Variants in RYR3 observed in about 807,000 individuals in gnomAD.
RYR3 encodes brain ryanodine receptor-calcium release channel.
In RYR3, 207 loss-of-function variants were observed where a neutral mutation model predicts 584.3. That is an observed-to-expected ratio of 0.35 (90% confidence interval 0.32 to 0.40). The LOEUF is 0.40. Ranked by LOEUF, RYR3 falls within the 10% of genes least tolerant of loss-of-function variation. The probability of loss-of-function intolerance (pLI) is 1.00; values close to 1 mark genes in which losing one functional copy is unlikely to be tolerated. For synonymous variants in RYR3, 2,416 were observed against 2,248.5 expected, an observed-to-expected ratio of 1.07 and a Z score of -2.11; for missense variants, 5,616 against 6,089.2, an observed-to-expected ratio of 0.92 and a Z score of 2.59.
rs537880317 is a variant in RYR3, at chr15:33,471,209, G to T, written c.52-2210G>T. Among the ~76,000 whole-genome samples, 4 of 152,292 alleles carry T rather than the reference G, an allele frequency of 2.6e-5. No individual in the cohort carries two copies. The South Asian group carries it at 8.3e-4, about 32-fold the overall frequency. ...GTGGTGTCTGCAGCCAGGTCAGCATGGTTGAGCAGAAGGTTCCAGATAGAA... is the reference window on the plus strand; with the variant it reads ...GTGGTGTCTGCAGCCAGGTCAGCATTGTTGAGCAGAAGGTTCCAGATAGAA... On this transcript the variant is annotated intron_variant, in intron 1 of 103. Coordinates refer to ENST00000634891, the MANE Select transcript of RYR3 (RefSeq NM_001036.6).
chr15:33,851,306 T>A (rs2079095424), intron 94 of RYR3: 1 of 152,140 alleles, frequency 6.6e-6, no homozygotes, highest in African/African-American at 2.4e-5. Context: ...TGTCCCAATT[T>A]ATGCTCCAAA....
At chr15:33,710,693 A>G (rs2067046948) in intron 43 of RYR3, among the ~76,000 whole-genome samples, 1 of 152,168 alleles carries the variant, frequency 6.6e-6, no homozygotes, top group Admixed American at 6.5e-5. Flanking sequence ...TCTGAAATCT[A>G]GGTGGAAGCT....
intron 13 of RYR3, among the ~76,000 whole-genome samples, chr15:33,581,237 C>A (rs900822485): frequency 1.3e-5 from 2 of 152,084 alleles, no homozygotes; most frequent in Admixed American, 1.3e-4. Context: ...CTAAGTATGT[C>A]CTTGGATTGA....
intron 1 of RYR3, among the ~76,000 whole-genome samples, chr15:33,341,931 G>A (rs1041469868): frequency 2.0e-5 from 3 of 152,132 alleles, no homozygotes; most frequent in African/African-American, 2.4e-5. Context: ...ACTGAGGCTC[G>A]AGGGTGACCT....
intron 1 of RYR3, among the ~76,000 whole-genome samples, chr15:33,447,997 A>G (rs1295602896): frequency 6.6e-6 from 1 of 152,226 alleles, no homozygotes. Flanking sequence ...ATATTTTCTA[A>G]AATTACCAAT....
intron 19 of RYR3, 46 bp from the exon 20 acceptor site, chr15:33,623,761 T>G: frequency 7.5e-7 from 1 of 1,332,356 alleles, no homozygotes; most frequent in Non-Finnish European, 1.1e-6. Flanking sequence ...TTGGGCTGCA[T>G]TGTTTTTTTT....
In RYR3 at chr15:33,844,925, G is replaced by A; in HGVS notation, c.13360G>A (p.Asp4454Asn). ...DVANLWNSFN[D>N]EEEEEAMVFF... ...TGCAAACCTATGGAATTCCTTTAAT[G>A]ACGAGGAAGAGGAAGAAGCGATGGT... Residue 4454 changes from aspartate (D) to asparagine (N), a missense_variant, in exon 93 of 104, where the codon GAC becomes AAC. Asp to Asn is a conservative substitution (Grantham distance 23). This residue lies in a region of RYR3 where 918 missense variants were observed against 887.4 expected (regional missense o/e 1.03). Coordinates refer to ENST00000634891, the MANE Select transcript of RYR3 (RefSeq NM_001036.6). 6.2e-7 allele frequency: 1 copy of A among 1,614,032 alleles called. No individual in the cohort carries two copies. The highest frequency in any genetic ancestry group is 8.5e-7 in the Non-Finnish European group (1 of 1,179,894).
chr15:33,470,598 G>A (rs1237941937), intron 1 of RYR3, among the ~76,000 whole-genome samples: 1 of 152,194 alleles, frequency 6.6e-6, no homozygotes, highest in Admixed American at 6.5e-5. Flanking sequence ...GAGAGAAAAT[G>A]GGTCTGTAAA....
At chr15:33,521,201 A>G (rs923721550) in intron 3 of RYR3, among the ~76,000 whole-genome samples, 6 of 152,044 alleles carry the variant, frequency 3.9e-5, no homozygotes, top group South Asian at 2.1e-4. Flanking sequence ...GATTATACCT[A>G]TTCCATGTGC....
intron 38 of RYR3, among the ~76,000 whole-genome samples, chr15:33,683,755 C>A (rs1017324652): frequency 5.3e-5 from 8 of 152,246 alleles, no homozygotes; most frequent in African/African-American, 1.9e-4. Context: ...ACAGACTGTA[C>A]CTGGAAAAAG....
chr15:33,555,520 A>G (rs1478731754), intron 10 of RYR3, among the ~76,000 whole-genome samples: 1 of 152,166 alleles, frequency 6.6e-6, no homozygotes, highest in Non-Finnish European at 1.5e-5. Flanking sequence ...CCAAATAGAG[A>G]GTCAGTCAAG....
intron 42 of RYR3, among the ~76,000 whole-genome samples, chr15:33,704,293 A>AG (rs2066523275): frequency 6.6e-6 from 1 of 151,968 alleles, no homozygotes; most frequent in Admixed American, 6.6e-5. Flanking sequence ...AAAAAAAAAA[A>AG]AAAGAAAGAA....
intron 5 of RYR3, among the ~76,000 whole-genome samples, chr15:33,534,712 C>A (rs1261950145): frequency 6.6e-6 from 1 of 152,168 alleles, no homozygotes; most frequent in African/African-American, 2.4e-5. Context: ...ACCAACAGAG[C>A]AGTGGGTAGG....
At chr15:33,736,789 C>T (rs2069507929) in intron 49 of RYR3, among the ~76,000 whole-genome samples, 1 of 53,954 alleles carries the variant, frequency 1.9e-5, no homozygotes, top group South Asian at 3.7e-4. Flanking sequence ...TGCTCTGTCA[C>T]CCAGGCTGAA....
At chr15:33,861,274 A>G (rs961894784) in intron 102 of RYR3, 96 bp downstream of exon 102, 13 of 876,238 alleles carry the variant, frequency 1.5e-5, no homozygotes, top group African/African-American at 1.3e-4. Context: ...AAGAGTAACC[A>G]GAAAGGAACT....
chr15:33,564,184 TCTG>T (rs1365754301), intron 11 of RYR3, among the ~76,000 whole-genome samples: 1 of 152,194 alleles, frequency 6.6e-6, no homozygotes, highest in Non-Finnish European at 1.5e-5. Flanking sequence ...AGCCAGGGCT[TCTG>T]GGACTCGAGG....
rs149430241 is a variant in RYR3, at chr15:33,401,471, T to A, written c.52-71948T>A. Among the ~76,000 whole-genome samples, 474 of 152,310 alleles carry A rather than the reference T, an allele frequency of 3.1e-3. 5 individuals are homozygous for A. The highest frequency in any genetic ancestry group is 0.011 in the African/African-American group (448 of 41,564). On this transcript the variant is annotated intron_variant, in intron 1 of 103. Transcript: ENST00000634891. ...TCTTACATTCAGCATTCAGCACTAT[T>A]CAGCGCCTATCACTGCCAGCTGAAA...
At chr15:33,847,159 C>T (rs1452206500) in intron 93 of RYR3, 4 of 152,236 alleles carry the variant, frequency 2.6e-5, no homozygotes, top group African/African-American at 9.7e-5. Flanking sequence ...CCTCCCACAT[C>T]ATCTGTGTAC....
intron 1 of RYR3, among the ~76,000 whole-genome samples, chr15:33,443,125 G>T (rs1350639833): frequency 6.6e-6 from 1 of 152,056 alleles, no homozygotes; most frequent in African/African-American, 2.4e-5. Flanking sequence ...TGGGTGTTGT[G>T]GTGCACGTCT....
Sources: gnomAD v4.1 joint callset for allele counts (sites outside exome capture counted in the v4.1 genomes callset) on GRCh38, gnomAD v4.1.1 for gene constraint, gnomAD v4.1.1 regional missense constraint, MANE v1.5 for transcripts, NCBI Gene and HGNC (gene_info 2026-07-23, HGNC 2026-07-21) for gene names.